The following UBQLN4 variants were observed in gnomAD, a reference collection of about 807,000 sequenced individuals.
UBQLN4 encodes ubiquilin-4.
UBQLN4 carries 11 observed loss-of-function variants against 60.4 expected under a neutral mutation model. The observed-to-expected ratio is 0.18, with a 90% confidence interval of 0.11 to 0.30. The LOEUF (loss-of-function observed/expected upper bound fraction) is 0.30, where lower values mean the gene tolerates loss of function less well. UBQLN4 is among the 10% of genes least tolerant of loss of function. The pLI is 1.00. For missense variants in UBQLN4, 417 were observed against 795.5 expected, an observed-to-expected ratio of 0.52 and a Z score of 5.72; for synonymous variants, 258 against 313.1, an observed-to-expected ratio of 0.82 and a Z score of 1.86.
intron 5 of UBQLN4, among the ~76,000 whole-genome samples, chr1:156,046,821 G>A (rs563279086): frequency 4.3e-4 from 65 of 152,132 alleles, no homozygotes; most frequent in Non-Finnish European, 6.9e-4. Context: ...CAGCCTGGGC[G>A]AAACAGTGAG....
At chr1:156,043,559 T>A (rs114051487) in intron 6 of UBQLN4, among the ~76,000 whole-genome samples, 1,620 of 152,194 alleles carry the variant, frequency 0.011, 32 homozygotes, top group African/African-American at 0.037. Context: ...ATGTGTACAG[T>A]CATAGTCCAG....
At chr1:156,049,173 C>T (rs1270183580) in intron 4 of UBQLN4, among the ~76,000 whole-genome samples, 1 of 152,210 alleles carries the variant, frequency 6.6e-6, no homozygotes, top group Non-Finnish European at 1.5e-5. Flanking sequence ...AATTGACTTG[C>T]TGCCCTGGGA....
intron 5 of UBQLN4, 119 bp from the exon 6 acceptor site, chr1:156,044,342 G>A (rs1683644767): frequency 1.4e-5 from 12 of 881,630 alleles, no homozygotes; most frequent in Non-Finnish European, 2.1e-5. Context: ...AGAGATCTAA[G>A]ACCTTAGAGG....
chr1:156,050,640 G>A lies in UBQLN4; in HGVS notation c.479-87C>T, dbSNP rs1488285059. ...CACTGAATTCAGATCTCCAGGACACGCCCCAAATGCTTCTCACATGTCCCT... is the reference window on the plus strand; with the variant it reads ...CACTGAATTCAGATCTCCAGGACACACCCCAAATGCTTCTCACATGTCCCT... On this transcript the variant is annotated intron_variant, in intron 3 of 10. Coordinates refer to ENST00000368309, the MANE Select transcript of UBQLN4 (RefSeq NM_020131.5). The surrounding 1 kb of genome is among the most constrained non-coding windows in gnomAD (Gnocchi z 4.6). The A allele has an allele frequency of 1.4e-5, 20 of 1,466,108 alleles. No homozygotes were observed. The highest frequency in any genetic ancestry group is 1.3e-4 in the South Asian group (9 of 71,622). 90.8% of individuals were successfully genotyped at this position (1,466,108 alleles called of 1,614,324 possible).
In UBQLN4 at chr1:156,045,154, CCTA is replaced by C. The variant is rs1009464627; in HGVS notation, c.901-934_901-932del. On this transcript the variant is annotated intron_variant, in intron 5 of 10. Transcript: ENST00000368309. ...TCTCTTTCCTGAGTTCCCAGGTGGTCCTACCTCAGCCCCTCCCCACCGTAGGGT... is the reference window on the plus strand; with the variant it reads ...TCTCTTTCCTGAGTTCCCAGGTGGTCCCTCAGCCCCTCCCCACCGTAGGGT... Among the ~76,000 whole-genome samples the C allele has an allele frequency of 1.3e-3, 203 of 152,256 alleles. 1 individual carries two copies. Among genetic ancestry groups the C allele is most frequent in the African/African-American group, 4.7e-3 (194 of 41,530 alleles).
chr1:156,040,971 C>T lies in UBQLN4; in HGVS notation c.1653+514G>A, dbSNP rs149377609. Among the ~76,000 whole-genome samples the T allele has an allele frequency of 2.2e-3, 342 of 152,278 alleles. 2 individuals carry two copies. Among genetic ancestry groups the T allele is most frequent in the Admixed American group, 0.016 (243 of 15,296 alleles). On this transcript the variant is annotated intron_variant, in intron 10 of 10. Coordinates refer to ENST00000368309, the MANE Select transcript of UBQLN4 (RefSeq NM_020131.5). ...GACTTTCCCAGGGCTTTGGTTACCT[C>T]GCAGAATCCCCCTCCCCAGAGTCTC...
chr1:156,042,653 C>T lies in UBQLN4; in HGVS notation c.1266+121G>A, dbSNP rs1683599285. On this transcript the variant is annotated intron_variant, in intron 7 of 10. Transcript: ENST00000368309. The stretch of plus-strand genomic sequence containing the variant: ...TTGCTTAACTCACACAGCTGGGAAG[C>T]AGCAGAGCTTGGGATGCAAACCCAG... 5.6e-6 allele frequency: 8 copies of T among 1,420,388 alleles called. No individual in the cohort carries two copies. The South Asian group carries it at 1.2e-4, about 20-fold the overall frequency. 88.0% of individuals were successfully genotyped at this position (1,420,388 alleles called of 1,614,324 possible).
At position 156,050,999 on chromosome 1, in the gene UBQLN4, G is replaced by T; in HGVS notation, c.478+111C>A. On this transcript the variant is annotated intron_variant, in intron 3 of 10. Coordinates refer to ENST00000368309, the MANE Select transcript of UBQLN4 (RefSeq NM_020131.5). This position sits in a 1 kb window ranked among gnomAD's most constrained non-coding sequence, Gnocchi z 4.6. ...TCAATGTCTGGAACTCTGTCATGGG[G>T]TCCCCTATCCCCATCAGACCAGGAG... The T allele has an allele frequency of 9.3e-7, 1 of 1,075,376 alleles. No homozygotes were observed. Among genetic ancestry groups the T allele is most frequent in the Non-Finnish European group, 1.4e-6 (1 of 730,646 alleles). The allele number at this position is 1,075,376 out of a possible 1,614,324, so 66.6% of individuals were successfully genotyped here.
chr1:156,044,113 G>A lies in UBQLN4; in HGVS notation c.1011C>T (p.Pro337=). Residue 337 remains proline, a synonymous_variant, in exon 6 of 11, where the codon CCC becomes CCT. Coordinates refer to ENST00000368309, the MANE Select transcript of UBQLN4 (RefSeq NM_020131.5). ...EPLPNPWSPS[P]PTSQAPGSGG... Reference sequence around the variant, plus strand: ...CGGACCCGGGGGCCTGGGAGGTGGGGGGCGAGGGGCTCCAGGGGTTAGGGA... The same window carrying A: ...CGGACCCGGGGGCCTGGGAGGTGGGAGGCGAGGGGCTCCAGGGGTTAGGGA... 2 of 1,587,818 alleles carry A rather than the reference G, an allele frequency of 1.3e-6. No individual in the cohort carries two copies. Among genetic ancestry groups the A allele is most frequent in the Non-Finnish European group, 8.6e-7 (1 of 1,167,342 alleles).
At chr1:156,037,275 C>T in intron 10 of UBQLN4, 145 bp from the exon 11 acceptor site, 1 of 1,050,406 alleles carries the variant, frequency 9.5e-7, no homozygotes, top group Non-Finnish European at 1.4e-6. Flanking sequence ...AAATGGGGGC[C>T]CAGGAGCCTA....
At chr1:156,051,372 G>A in intron 2 of UBQLN4, 45 bp from the exon 3 acceptor site, 2 of 1,541,092 alleles carry the variant, frequency 1.3e-6, no homozygotes, top group South Asian at 1.2e-5. Flanking sequence ...AGCACTAGAA[G>A]AGGGAAGGTA....
In UBQLN4 at chr1:156,042,789, G is replaced by A. The variant is rs184403996; in HGVS notation, c.1251C>T (p.Pro417=). Residue 417 remains proline, a synonymous_variant, in exon 7 of 11, where the codon CCC becomes CCT. Transcript: ENST00000368309. ...RSMMQTLAQN[P]DFAAQMMVNV... is the part of the protein sequence containing the mutation. ...GGTTTCATACCTGAGCAGCAAAGTC[G>A]GGGTTCTGGGCAAGCGTCTGCATCA... is the stretch of plus-strand genomic sequence containing the variant. The A allele has an allele frequency of 5.3e-4, 862 of 1,614,016 alleles. No individual in the cohort carries two copies. Among genetic ancestry groups the A allele is most frequent in the Non-Finnish European group, 6.8e-4 (797 of 1,179,994 alleles).
At chr1:156,052,422 G>A (rs1283220387) in intron 1 of UBQLN4, among the ~76,000 whole-genome samples, 1 of 152,188 alleles carries the variant, frequency 6.6e-6, no homozygotes, top group Non-Finnish European at 1.5e-5. Flanking sequence ...CATCTTCCGG[G>A]TTCAAGTGAT....
downstream of UBQLN4, among the ~76,000 whole-genome samples, chr1:156,031,437 T>C (rs1008516106): frequency 6.6e-6 from 1 of 152,144 alleles, no homozygotes; most frequent in Admixed American, 6.6e-5. Context: ...GCAAAGATGC[T>C]AGAGTTTGAG....
chr1:156,040,246 A>G (rs953323273), intron 10 of UBQLN4, among the ~76,000 whole-genome samples: 3 of 151,418 alleles, frequency 2.0e-5, no homozygotes, highest in African/African-American at 7.3e-5. Context: ...ATACAAAAAA[A>G]TTAGCCGGGT....
chr1:156,039,395 C>A (rs1245435273), intron 10 of UBQLN4, among the ~76,000 whole-genome samples: 2 of 151,804 alleles, frequency 1.3e-5, no homozygotes, highest in African/African-American at 4.8e-5. Context: ...GGATGATAGG[C>A]ATGCGCCACG....
chr1:156,044,240 G>A lies in UBQLN4; in HGVS notation c.901-17C>T. On this transcript the variant is annotated splice_polypyrimidine_tract_variant and intron_variant, in intron 5 of 10. Coordinates refer to ENST00000368309, the MANE Select transcript of UBQLN4 (RefSeq NM_020131.5). ...GTTGCCAAACTGGGAGGAGGGAAAG[G>A]TTTTGGGTTAAGGACTGAAACAAAT... The A allele has an allele frequency of 6.4e-7, 1 of 1,553,408 alleles. No individual in the cohort carries two copies. Among genetic ancestry groups the A allele is most frequent in the Non-Finnish European group, 8.7e-7 (1 of 1,147,708 alleles).
chr1:156,035,973 G>T lies in UBQLN4; in HGVS notation c.*1005C>A, dbSNP rs1030739455. The T allele has an allele frequency of 4.1e-6, 4 of 985,674 alleles. No homozygotes were observed. The highest frequency in any genetic ancestry group is 1.7e-5 in the African/African-American group (1 of 57,220). The allele number at this position is 985,674 out of a possible 1,614,324, so 61.1% of individuals were successfully genotyped here. ...CCCAACCCCCTTCATGTCTTTTGAGGGGGGCTCAAACTACTGGTGCCTGGG... is the reference window on the plus strand; with the variant it reads ...CCCAACCCCCTTCATGTCTTTTGAGTGGGGCTCAAACTACTGGTGCCTGGG... On this transcript the variant is annotated 3_prime_UTR_variant, in exon 11 of 11. Coordinates refer to ENST00000368309, the MANE Select transcript of UBQLN4 (RefSeq NM_020131.5).
chr1:156,051,301 G>A lies in UBQLN4; in HGVS notation c.287C>T (p.Ala96Val). Reference sequence around the variant, plus strand: ...AGGGTCAGGTGTGGAGGGGGAAGAAGCAGTGGCAGCAGCTGGATCTTGAGC... The same window carrying A: ...AGGGTCAGGTGTGGAGGGGGAAGAAACAGTGGCAGCAGCTGGATCTTGAGC... Reference protein sequence around the residue: ...QKAQDPAAATASSPSTPDPAS... With the variant: ...QKAQDPAAATVSSPSTPDPAS... The change falls in exon 3 of 11, where the codon GCT (alanine) becomes GTT (valine). Residue 96 changes from alanine to valine, a missense_variant. Ala to Val is a moderately conservative substitution (Grantham distance 64, BLOSUM62 0). Transcript: ENST00000368309. The A allele has an allele frequency of 6.4e-7, 1 of 1,557,018 alleles. No homozygotes were observed.
Sources: gnomAD v4.1 joint callset for allele counts (sites outside exome capture counted in the v4.1 genomes callset) on GRCh38, gnomAD v4.1.1 for gene constraint, Gnocchi (gnomAD v3.1) non-coding constraint, MANE v1.5 for transcripts, NCBI Gene and HGNC (gene_info 2026-07-23, HGNC 2026-07-21) for gene names.